The following PDAP1 variants were observed in gnomAD, a reference collection of about 807,000 sequenced individuals.
The protein encoded by PDAP1 is PDGFA associated protein 1.
In PDAP1, 13 loss-of-function variants were observed where a neutral mutation model predicts 28.0. The ratio of observed to expected loss-of-function variants is 0.46; its 90% CI spans 0.30 to 0.74. The LOEUF (loss-of-function observed/expected upper bound fraction) is 0.74, where lower values mean the gene tolerates loss of function less well. PDAP1 is among the 30% of genes least tolerant of loss of function. PDAP1 has a pLI of 0.07. For synonymous variants in PDAP1, 77 were observed against 85.1 expected (o/e 0.91, Z 0.52); for missense variants, 150 against 230.0 (o/e 0.65, Z 2.25).
intron 1 of PDAP1, 100 bp downstream of exon 1, chr7:99,408,436 T>G: frequency 2.7e-6 from 3 of 1,120,186 alleles, no homozygotes; most frequent in Non-Finnish European, 3.5e-6. Context: ...ACAGCCTCCC[T>G]CTGCGCTGCT....
chr7:99,405,269 C>T (rs1794952260), intron 1 of PDAP1, among the ~76,000 whole-genome samples: 1 of 152,170 alleles, frequency 6.6e-6, no homozygotes, highest in African/African-American at 2.4e-5. Context: ...GCATAGTGGA[C>T]TCAGATGCAA....
Position 99,394,837 on chromosome 7 carries a change from G to C in PDAP1, c.*1845C>G. ...ACATGCTTGCCTATGTGGAAGGAGA[G>C]GTTTTTTGTTATTTCCTTGGGGTCT... On this transcript the variant is annotated 3_prime_UTR_variant, in exon 6 of 6. Coordinates refer to ENST00000350498, the MANE Select transcript of PDAP1 (RefSeq NM_014891.7). The C allele has an allele frequency of 8.1e-7, 1 of 1,239,752 alleles. No homozygotes were observed. The highest frequency in any genetic ancestry group is 3.1e-5 in the East Asian group (1 of 31,756). 76.8% of individuals were successfully genotyped at this position (1,239,752 alleles called of 1,614,324 possible).
chr7:99,406,652 C>T (rs1794977174), intron 1 of PDAP1: 2 of 972,814 alleles, frequency 2.1e-6, no homozygotes, highest in African/African-American at 1.8e-5. Flanking sequence ...TGCTGGTCCC[C>T]AAGTATGCAA....
At chr7:99,408,506 G>C in intron 1 of PDAP1, 30 bp downstream of exon 1, 1 of 1,330,676 alleles carries the variant, frequency 7.5e-7, no homozygotes, top group East Asian at 3.1e-5. Context: ...GCCCCTCCAG[G>C]CCTGCGGGCC....
At chr7:99,398,514 A>G (rs2150903840) in intron 4 of PDAP1, among the ~76,000 whole-genome samples, 1 of 152,354 alleles carries the variant, frequency 6.6e-6, no homozygotes, top group East Asian at 1.9e-4. Flanking sequence ...CAATATAGCA[A>G]GACTCTGTAC....
rs111621064 is a variant in PDAP1 at position 99,404,316 on chromosome 7, A to G, written c.105+546T>C. ...GATGCTGACGATGGGAATGTATTCT[A>G]TTTCCTAACGGTGGCCTGGACAATG... On this transcript the variant is annotated intron_variant, in intron 2 of 5. Coordinates refer to ENST00000350498, the MANE Select transcript of PDAP1 (RefSeq NM_014891.7). Among the ~76,000 whole-genome samples the G allele has an allele frequency of 4.1e-3, 623 of 152,198 alleles. 6 individuals carry two copies. The highest frequency in any genetic ancestry group is 0.013 in the African/African-American group (551 of 41,514).
intron 5 of PDAP1, among the ~76,000 whole-genome samples, chr7:99,397,562 C>T (rs1329282597): frequency 3.3e-5 from 5 of 152,218 alleles, no homozygotes; most frequent in Non-Finnish European, 7.3e-5. Flanking sequence ...AAGGTCTGTA[C>T]TAGGGGCATG....
intron 4 of PDAP1, among the ~76,000 whole-genome samples, chr7:99,399,715 G>A (rs1230071703): frequency 2.6e-5 from 4 of 152,214 alleles, no homozygotes; most frequent in East Asian, 1.9e-4. Flanking sequence ...TCAACCTCTT[G>A]TAAGGCCCTT....
intron 5 of PDAP1, 41 bp from the exon 6 acceptor site, chr7:99,396,781 C>A: frequency 6.6e-7 from 1 of 1,508,044 alleles, no homozygotes; most frequent in South Asian, 1.1e-5. Flanking sequence ...ACAAAGCAAC[C>A]CCCCACCCCC....
At chr7:99,405,093 G>C in intron 1 of PDAP1, 140 bp from the exon 2 acceptor site, 1 of 613,730 alleles carries the variant, frequency 1.6e-6, no homozygotes, top group South Asian at 1.9e-5. Flanking sequence ...CGACACCTCC[G>C]CCACCCTCAT....
chr7:99,402,142 T>C (rs944599464), intron 3 of PDAP1, among the ~76,000 whole-genome samples: 1 of 143,064 alleles, frequency 7.0e-6, no homozygotes, highest in Non-Finnish European at 1.5e-5. Flanking sequence ...GGCAGAAGAA[T>C]GGCCTGAACC....
rs1794758502 is a variant in PDAP1 at position 99,396,303 on chromosome 7, C to T, written c.*379G>A. On this transcript the variant is annotated 3_prime_UTR_variant, in exon 6 of 6. Coordinates refer to ENST00000350498, the MANE Select transcript of PDAP1 (RefSeq NM_014891.7). ...CCGGGGCTGTGTGTAGCAAACCTGT[C>T]AGCAGCTGCCTCCTGGGACAACCAC... is the stretch of plus-strand genomic sequence containing the variant. 3.0e-6 allele frequency: 1 copy of T among 336,906 alleles called. No individual in the cohort carries two copies. Among genetic ancestry groups the T allele is most frequent in the Admixed American group, 4.5e-5 (1 of 22,300 alleles). 20.9% of individuals were successfully genotyped at this position (336,906 alleles called of 1,614,324 possible).
intron 3 of PDAP1, among the ~76,000 whole-genome samples, chr7:99,400,725 C>A (rs542154708): frequency 1.2e-4 from 18 of 152,296 alleles, no homozygotes; most frequent in Admixed American, 4.6e-4. Context: ...CAGCACTACT[C>A]CCCTACTTCA....
At chr7:99,400,530 G>A (rs28668326) in intron 3 of PDAP1, 106 bp from the exon 4 acceptor site, 62,549 of 1,301,340 alleles carry the variant, frequency 0.048, 2,066 homozygotes, top group African/African-American at 0.15. Context: ...ACAAACTCCT[G>A]CTCCACCCCA....
In PDAP1 at chr7:99,405,092, C is replaced by T. The variant is rs113729490; in HGVS notation, c.14-139G>A. ...CCAGCACCACCCAAACCGACACCTC[C>T]GCCACCCTCATGTGTTCAAAGGCAC... On this transcript the variant is annotated intron_variant, in intron 1 of 5. Transcript: ENST00000350498. 9.1e-5 allele frequency: 56 copies of T among 615,220 alleles called. 1 individual carries two copies. The highest frequency in any genetic ancestry group is 5.7e-4 in the African/African-American group (31 of 54,498). The allele number at this position is 615,220 out of a possible 1,614,324, so 38.1% of individuals were successfully genotyped here.
In PDAP1 at chr7:99,403,571, A is replaced by G. The variant is rs1259542341; in HGVS notation, c.106-66T>C. ...AACAAATCCCCAAGACTGTGACCCT[A>G]TCACCCCCCAGACTGTGGATCTTGA... On this transcript the variant is annotated intron_variant, in intron 2 of 5. Transcript: ENST00000350498. The G allele has an allele frequency of 9.1e-6, 9 of 993,412 alleles. No homozygotes were observed. The South Asian group carries it at 1.1e-4, about 13-fold the overall frequency. 61.5% of individuals were successfully genotyped at this position (993,412 alleles called of 1,614,324 possible). A position where few individuals can be genotyped will look rare whatever the true frequency, so the allele number is the denominator to read the frequency against.
At chr7:99,404,189 C>T (rs924484575) in intron 2 of PDAP1, among the ~76,000 whole-genome samples, 14 of 152,194 alleles carry the variant, frequency 9.2e-5, no homozygotes, top group South Asian at 4.1e-4. Flanking sequence ...CCTTTCCCTT[C>T]TTGAGACTCC....
At chr7:99,400,675 G>A (rs1002764459) in intron 3 of PDAP1, among the ~76,000 whole-genome samples, 1 of 152,222 alleles carries the variant, frequency 6.6e-6, no homozygotes, top group Admixed American at 6.5e-5. Flanking sequence ...GTAGGTGGTA[G>A]ATGAGAGGTG....
At chr7:99,405,653 C>T (rs1040125449) in intron 1 of PDAP1, among the ~76,000 whole-genome samples, 4 of 150,220 alleles carry the variant, frequency 2.7e-5, no homozygotes, top group Admixed American at 6.6e-5. Flanking sequence ...TGAGCCACCG[C>T]GCCCAGCCAG....
Sources: allele counts gnomAD v4.1 joint callset (sites outside exome capture counted in the v4.1 genomes callset), GRCh38; gene constraint gnomAD v4.1.1; transcripts MANE v1.5; gene names NCBI Gene and HGNC (gene_info 2026-07-23, HGNC 2026-07-21).